LRRC4C: variants seen among roughly 807,000 people sequenced by gnomAD.
LRRC4C encodes leucine rich repeat containing 4C.
A neutral mutation model predicts 33.6 loss-of-function variants in LRRC4C; 5 were observed. The observed-to-expected ratio is 0.15, with a 90% CI of 0.08 to 0.31. LRRC4C has a LOEUF of 0.31. Ranked by LOEUF, LRRC4C falls within the 10% of genes least tolerant of loss-of-function variation. The pLI is 1.00. For synonymous variants in LRRC4C, 329 were observed against 302.0 expected (o/e 1.09, Z -0.93); for missense variants, 560 against 796.7 (o/e 0.70, Z 3.58).
At chr11:40,981,284 T>G (rs991971829) in intron 1 of LRRC4C, among the ~76,000 whole-genome samples, 4 of 151,964 alleles carry the variant, frequency 2.6e-5, no homozygotes, top group Non-Finnish European at 5.9e-5. Context: ...CGTGGTGGTG[T>G]GCGCCTGTAG....
chr11:40,998,457 A>T (rs969799448), intron 1 of LRRC4C, among the ~76,000 whole-genome samples: 1 of 152,006 alleles, frequency 6.6e-6, no homozygotes, highest in African/African-American at 2.4e-5. Context: ...TTGATACCCA[A>T]CTTGACTGCA....
chr11:40,794,644 T>C (rs1349156172), intron 2 of LRRC4C, among the ~76,000 whole-genome samples: 1 of 152,194 alleles, frequency 6.6e-6, no homozygotes, highest in Non-Finnish European at 1.5e-5. Context: ...TTGGAAGTAC[T>C]ACTTTCTAAA....
chr11:41,244,649 G>A (rs1948382049), intron 1 of LRRC4C, among the ~76,000 whole-genome samples: 1 of 152,160 alleles, frequency 6.6e-6, no homozygotes, highest in Non-Finnish European at 1.5e-5. Context: ...GTATAGATTT[G>A]GCATTTTTAG....
At chr11:40,734,105 CCA>C (rs1947738394) in intron 2 of LRRC4C, among the ~76,000 whole-genome samples, 1 of 151,990 alleles carries the variant, frequency 6.6e-6, no homozygotes, top group Non-Finnish European at 1.5e-5. Flanking sequence ...TTATAATGAA[CCA>C]CAGTGTAAAG....
At chr11:41,202,539 A>T (rs557216743) in intron 1 of LRRC4C, among the ~76,000 whole-genome samples, 5 of 152,274 alleles carry the variant, frequency 3.3e-5, no homozygotes, top group Admixed American at 1.3e-4. Context: ...TGAGCCCTAA[A>T]ATAAAGAAAA....
chr11:40,782,528 C>T (rs1222475580), intron 2 of LRRC4C, among the ~76,000 whole-genome samples: 1 of 151,872 alleles, frequency 6.6e-6, no homozygotes, highest in Non-Finnish European at 1.5e-5. Context: ...CCAGTTGAAT[C>T]TCAATTTACT....
intron 3 of LRRC4C, among the ~76,000 whole-genome samples, chr11:40,535,889 C>T (rs11035901): frequency 0.088 from 13,380 of 152,204 alleles, 1,669 homozygotes; most frequent in African/African-American, 0.28. Flanking sequence ...ACCTAACTTA[C>T]TGTACTTTTT....
chr11:41,426,141 C>G lies in LRRC4C; in HGVS notation c.-496+33290G>C, dbSNP rs931889941. 2.0e-5 allele frequency: 3 copies of G among 152,304 alleles called. No homozygotes were observed. In the South Asian group the frequency reaches 6.2e-4, roughly 31 times the overall value. The allele number at this position is 152,304 out of a possible 1,614,324, so 9.4% of individuals were successfully genotyped here. A position where few individuals can be genotyped will look rare whatever the true frequency, so the allele number is the denominator to read the frequency against. On this transcript the variant is annotated intron_variant, in intron 1 of 6. Coordinates refer to ENST00000528697, the MANE Select transcript of LRRC4C (RefSeq NM_001258419.2). ...CCCTTCAGGACAGTTATGGGAATCA[C>G]GGAATGAAGCCAGCACTATGCAGAA... is the stretch of plus-strand genomic sequence containing the variant.
intron 1 of LRRC4C, among the ~76,000 whole-genome samples, chr11:41,345,925 T>G (rs116928644): frequency 6.6e-6 from 1 of 152,282 alleles, no homozygotes; most frequent in Non-Finnish European, 1.5e-5. Flanking sequence ...AATTAAAAAA[T>G]GAAGAGTGAG....
chr11:40,641,015 CAAAAAAAA>C (rs5791392), intron 3 of LRRC4C, among the ~76,000 whole-genome samples: 3 of 110,088 alleles, frequency 2.7e-5, no homozygotes, highest in African/African-American at 1.1e-4. Context: ...GAGTCCATCT[CAAAAAAAA>C]AAAAAAAAAA....
At chr11:40,253,732 C>T (rs908950526) in intron 4 of LRRC4C, among the ~76,000 whole-genome samples, 8 of 152,132 alleles carry the variant, frequency 5.3e-5, no homozygotes, top group African/African-American at 9.7e-5. Flanking sequence ...CCTGGCTCGA[C>T]GTAAGCCACC....
intron 3 of LRRC4C, among the ~76,000 whole-genome samples, chr11:40,333,691 A>T (rs1378528715): frequency 7.2e-6 from 1 of 138,036 alleles, no homozygotes; most frequent in African/African-American, 2.7e-5. Flanking sequence ...CACTCCAGCC[A>T]GTGGGACAAG....
At chr11:40,534,672 A>G (rs1009977175) in intron 3 of LRRC4C, among the ~76,000 whole-genome samples, 5 of 152,212 alleles carry the variant, frequency 3.3e-5, no homozygotes, top group African/African-American at 1.2e-4. Context: ...ACTATGTGAA[A>G]TTCAGTTTTT....
intron 2 of LRRC4C, among the ~76,000 whole-genome samples, chr11:40,709,745 G>T (rs539114436): frequency 1.3e-5 from 2 of 152,100 alleles, no homozygotes; most frequent in Non-Finnish European, 2.9e-5. Flanking sequence ...GCCTTGCTAG[G>T]TTGGGGAAGT....
chr11:41,131,780 C>T (rs559079857), intron 1 of LRRC4C, among the ~76,000 whole-genome samples: 1 of 152,128 alleles, frequency 6.6e-6, no homozygotes, highest in South Asian at 2.1e-4. Flanking sequence ...ATAAAAGTTA[C>T]CTCTGTTCAT....
intron 2 of LRRC4C, among the ~76,000 whole-genome samples, chr11:40,660,287 C>T (rs555663130): frequency 9.8e-5 from 15 of 152,290 alleles, no homozygotes; most frequent in African/African-American, 3.1e-4. Flanking sequence ...CCTGGATTGC[C>T]CTCAGCAGGC....
intron 2 of LRRC4C, among the ~76,000 whole-genome samples, chr11:40,741,201 G>A (rs964619943): frequency 6.6e-6 from 1 of 152,036 alleles, no homozygotes; most frequent in African/African-American, 2.4e-5. Flanking sequence ...TTGATCTCAA[G>A]TAATTTGGGG....
intron 1 of LRRC4C, among the ~76,000 whole-genome samples, chr11:41,094,393 G>A (rs1035008998): frequency 2.7e-5 from 4 of 150,776 alleles, no homozygotes; most frequent in African/African-American, 9.8e-5. Context: ...GCCTGGTGGC[G>A]TGTGCCTGTA....
chr11:40,779,508 C>T (rs960508218), intron 2 of LRRC4C, among the ~76,000 whole-genome samples: 7 of 152,050 alleles, frequency 4.6e-5, no homozygotes, highest in Non-Finnish European at 7.4e-5. Flanking sequence ...GTGCTCATTT[C>T]TTATATTACC....
Sources: allele counts gnomAD v4.1 joint callset (sites outside exome capture counted in the v4.1 genomes callset), GRCh38; gene constraint gnomAD v4.1.1; transcripts MANE v1.5; gene names NCBI Gene and HGNC (gene_info 2026-07-23, HGNC 2026-07-21).